The following PRKG1 variants were observed in gnomAD, a reference collection of about 807,000 sequenced individuals.
The protein encoded by PRKG1 is protein kinase cGMP-dependent 1.
PRKG1 carries 35 observed loss-of-function variants against 88.1 expected under a neutral mutation model. The ratio of observed to expected loss-of-function variants is 0.40; its 90% confidence interval spans 0.30 to 0.53. PRKG1 has a LOEUF of 0.53. Ranked by LOEUF, PRKG1 falls within the 20% of genes least tolerant of loss-of-function variation. The pLI is 0.59. For missense variants in PRKG1, 540 were observed against 839.8 expected, an observed-to-expected ratio of 0.64 and a Z score of 4.41; for synonymous variants, 303 against 292.5, an observed-to-expected ratio of 1.04 and a Z score of -0.37.
At chr10:51,232,840 C>G (rs1277375898) in intron 2 of PRKG1, among the ~76,000 whole-genome samples, 1 of 152,168 alleles carries the variant, frequency 6.6e-6, no homozygotes, top group Admixed American at 6.5e-5. Context: ...CTAGAAGTGT[C>G]AGCTGCACTT....
At chr10:52,135,235 AAT>A (rs1370754529) in intron 8 of PRKG1, among the ~76,000 whole-genome samples, 1 of 151,992 alleles carries the variant, frequency 6.6e-6, no homozygotes, top group Non-Finnish European at 1.5e-5. Flanking sequence ...AAGCAATATA[AAT>A]ATGATGACTA....
chr10:51,600,281 G>A (rs1448406777), intron 3 of PRKG1, among the ~76,000 whole-genome samples: 4 of 152,082 alleles, frequency 2.6e-5, no homozygotes. Flanking sequence ...ATTATTATAG[G>A]TGGACTCTAC....
intron 1 of PRKG1, among the ~76,000 whole-genome samples, chr10:50,996,192 T>C (rs186979245): frequency 1.4e-4 from 21 of 152,316 alleles, no homozygotes; most frequent in African/African-American, 4.3e-4. Flanking sequence ...CACTAGCTCA[T>C]CATTTTCTCA....
intron 2 of PRKG1, among the ~76,000 whole-genome samples, chr10:51,173,886 C>T (rs189526744): frequency 1.2e-4 from 18 of 151,784 alleles, no homozygotes; most frequent in Non-Finnish European, 2.2e-4. Flanking sequence ...GAGTGTTTTT[C>T]CTTATGCTTA....
At chr10:51,859,095 G>A (rs1035059128) in intron 4 of PRKG1, among the ~76,000 whole-genome samples, 1 of 152,228 alleles carries the variant, frequency 6.6e-6, no homozygotes, top group African/African-American at 2.4e-5. Context: ...TCTGATGTTA[G>A]ATGTTGAATT....
chr10:52,226,026 ATTTTTT>A lies in PRKG1; in HGVS notation c.1077-25532_1077-25527del, dbSNP rs71680568. On this transcript the variant is annotated intron_variant, in intron 9 of 17. Coordinates refer to ENST00000373980, the MANE Select transcript of PRKG1 (RefSeq NM_006258.4). The stretch of plus-strand genomic sequence containing the variant: ...ACTAGCATGTAAGTCATGAGGGTTG[ATTTTTT>A]TTTTTTTTTTTGGTCTGTTTTGTCC... 7.8e-3 allele frequency among the ~76,000 whole-genome samples: 1,045 copies of A among 134,382 alleles called. 12 individuals are homozygous for A. The highest frequency in any genetic ancestry group is 0.026 in the African/African-American group (989 of 37,576). The allele number at this position is 134,382 out of a possible 152,430, so 88.2% of individuals were successfully genotyped here. A position where few individuals can be genotyped will look rare whatever the true frequency, so the allele number is the denominator to read the frequency against.
At chr10:51,555,912 A>G (rs1222212307) in intron 3 of PRKG1, among the ~76,000 whole-genome samples, 1 of 151,886 alleles carries the variant, frequency 6.6e-6, no homozygotes, top group Admixed American at 6.6e-5. Flanking sequence ...CCTGGTTTTT[A>G]TATCTTCAGG....
At chr10:52,220,997 A>G (rs1840231696) in intron 9 of PRKG1, among the ~76,000 whole-genome samples, 2 of 152,092 alleles carry the variant, frequency 1.3e-5, no homozygotes, top group South Asian at 4.1e-4. Flanking sequence ...CAATGGCTGA[A>G]CTAATTTACA....
intron 3 of PRKG1, among the ~76,000 whole-genome samples, chr10:51,630,949 G>A (rs150016531): frequency 1.3e-3 from 196 of 152,152 alleles, no homozygotes; most frequent in African/African-American, 4.3e-3. Flanking sequence ...TTGTGTTCAC[G>A]TGTTTTTCTA....
intron 2 of PRKG1, among the ~76,000 whole-genome samples, chr10:51,261,636 T>C (rs1172619664): frequency 6.6e-6 from 1 of 152,216 alleles, no homozygotes; most frequent in African/African-American, 2.4e-5. Flanking sequence ...GCAAAGAATA[T>C]CTTAAGAACG....
intron 3 of PRKG1, among the ~76,000 whole-genome samples, chr10:51,748,977 A>G (rs1837649314): frequency 6.6e-6 from 1 of 152,088 alleles, no homozygotes. Context: ...AAGTTAAAAT[A>G]CTCTTCTACA....
intron 6 of PRKG1, among the ~76,000 whole-genome samples, chr10:52,061,087 A>G (rs1316394353): frequency 6.6e-6 from 1 of 152,014 alleles, no homozygotes; most frequent in Non-Finnish European, 1.5e-5. Flanking sequence ...TTCTGCATCT[A>G]TAAAAGCCTC....
intron 7 of PRKG1, among the ~76,000 whole-genome samples, chr10:52,079,952 T>C (rs10824024): frequency 0.28 from 43,312 of 152,044 alleles, 6,807 homozygotes; most frequent in Non-Finnish European, 0.37. Context: ...GATAGGTCCA[T>C]AAAGAAAAGC....
chr10:51,795,969 T>C (rs1839000181), intron 3 of PRKG1, among the ~76,000 whole-genome samples: 1 of 152,090 alleles, frequency 6.6e-6, no homozygotes, highest in Non-Finnish European at 1.5e-5. Context: ...TTTAAGAAAT[T>C]TCAACTAATG....
At chr10:51,780,535 G>T (rs945928002) in intron 3 of PRKG1, among the ~76,000 whole-genome samples, 1 of 152,090 alleles carries the variant, frequency 6.6e-6, no homozygotes. Context: ...ACATTATGCA[G>T]CCAATAGTCT....
chr10:51,992,237 C>T (rs1844330295), intron 5 of PRKG1, among the ~76,000 whole-genome samples: 1 of 151,968 alleles, frequency 6.6e-6, no homozygotes, highest in African/African-American at 2.4e-5. Flanking sequence ...AAATTATATG[C>T]CCAATTTTGT....
At chr10:51,717,247 C>T (rs770685716) in intron 3 of PRKG1, among the ~76,000 whole-genome samples, 1 of 152,186 alleles carries the variant, frequency 6.6e-6, no homozygotes, top group South Asian at 2.1e-4. Flanking sequence ...TTCTCTCCAC[C>T]TTTTTTGTCT....
intron 3 of PRKG1, among the ~76,000 whole-genome samples, chr10:51,575,162 T>G (rs1411564658): frequency 2.0e-5 from 3 of 151,978 alleles, no homozygotes; most frequent in Non-Finnish European, 2.9e-5. Context: ...TAAGCTGGGT[T>G]CCAGAAGTTT....
intron 3 of PRKG1, among the ~76,000 whole-genome samples, chr10:51,671,431 A>G (rs183012278): frequency 6.6e-6 from 1 of 152,158 alleles, no homozygotes; most frequent in Admixed American, 6.5e-5. Context: ...CTAAAGGAAG[A>G]TCTATTCCAT....
Sources: allele counts gnomAD v4.1 joint callset (sites outside exome capture counted in the v4.1 genomes callset), GRCh38; gene constraint gnomAD v4.1.1; transcripts MANE v1.5; gene names NCBI Gene and HGNC (gene_info 2026-07-23, HGNC 2026-07-21).